The following RGS7 variants were observed in gnomAD, a reference collection of about 807,000 sequenced individuals.
RGS7 encodes regulator of G protein signaling 7.
Under a neutral mutation model 81.1 loss-of-function variants are expected in RGS7, and 27 were observed. The observed-to-expected ratio is 0.33, with a 90% CI of 0.25 to 0.46. The LOEUF is 0.46. Ranked by LOEUF, RGS7 falls within the 20% of genes least tolerant of loss-of-function variation. RGS7 has a pLI of 1.00. For synonymous variants in RGS7, 208 were observed against 207.7 expected, an observed-to-expected ratio of 1.00 and a Z score of -0.01; for missense variants, 396 against 607.4, an observed-to-expected ratio of 0.65 and a Z score of 3.66.
At chr1:240,974,365 ATTTC>A (rs1683744147) in intron 4 of RGS7, among the ~76,000 whole-genome samples, 1 of 152,202 alleles carries the variant, frequency 6.6e-6, no homozygotes, top group African/African-American at 2.4e-5. Flanking sequence ...TTCATTTAAA[ATTTC>A]TTTCTGTTCA....
chr1:240,787,670 A>C (rs1685295016), intron 18 of RGS7, among the ~76,000 whole-genome samples: 1 of 152,208 alleles, frequency 6.6e-6, no homozygotes, highest in Non-Finnish European at 1.5e-5. Flanking sequence ...GTAACAAAGA[A>C]ATACTTCAAA....
In RGS7 at chr1:241,219,790, T is replaced by C. The variant is rs74394820; in HGVS notation, c.79-121028A>G. Among the ~76,000 whole-genome samples the C allele has an allele frequency of 3.4e-3, 512 of 150,760 alleles. 1 individual carries two copies. The highest frequency in any genetic ancestry group is 5.7e-3 in the Non-Finnish European group (389 of 68,022). On this transcript the variant is annotated intron_variant, in intron 2 of 18. Coordinates refer to ENST00000440928, the MANE Select transcript of RGS7 (RefSeq NM_001364886.1). The stretch of plus-strand genomic sequence containing the variant: ...CCTTTATTCACAAGGTACATATCTT[T>C]ACTCACATTATGCCCCTATTTTAAA...
intron 2 of RGS7, among the ~76,000 whole-genome samples, chr1:241,322,911 G>T (rs548398929): frequency 6.6e-6 from 1 of 152,090 alleles, no homozygotes; most frequent in Non-Finnish European, 1.5e-5. Context: ...CATGAATATT[G>T]CTCAGACTTT....
intron 2 of RGS7, among the ~76,000 whole-genome samples, chr1:241,109,763 G>A: frequency 6.6e-6 from 1 of 151,978 alleles, no homozygotes; most frequent in East Asian, 1.9e-4. Flanking sequence ...TTTGAGACCA[G>A]CCTGACGAAC....
At chr1:240,805,002 T>C (rs568429747) in intron 15 of RGS7, among the ~76,000 whole-genome samples, 1 of 152,350 alleles carries the variant, frequency 6.6e-6, no homozygotes, top group Non-Finnish European at 1.5e-5. Context: ...AAAGGTACTT[T>C]TTAGAATTAA....
chr1:240,869,929 A>G, intron 7 of RGS7, 126 bp downstream of exon 7: 1 of 870,010 alleles, frequency 1.1e-6, no homozygotes, highest in Non-Finnish European at 2.0e-6. Flanking sequence ...GACAAGAGTG[A>G]AACTCCATCT....
intron 2 of RGS7, among the ~76,000 whole-genome samples, chr1:241,110,159 ATC>A (rs1204813633): frequency 6.6e-6 from 1 of 152,170 alleles, no homozygotes; most frequent in South Asian, 2.1e-4. Flanking sequence ...CCTCCAAATT[ATC>A]TCTTTTTACA....
In RGS7 at chr1:241,125,089, T is replaced by C. The variant is rs989663458; in HGVS notation, c.79-26327A>G. Among the ~76,000 whole-genome samples, 9 of 152,160 alleles carry C rather than the reference T, an allele frequency of 5.9e-5. No homozygotes were observed. The East Asian group carries it at 9.6e-4, about 16-fold the overall frequency. The stretch of plus-strand genomic sequence containing the variant: ...GTCAGCTGGGGACTCTGTGTCCTCA[T>C]GGTATATGTAGGATTGCTTTGACCC... On this transcript the variant is annotated intron_variant, in intron 2 of 18. Transcript: ENST00000440928.
chr1:240,967,819 A>G (rs1682585839), intron 4 of RGS7, among the ~76,000 whole-genome samples: 1 of 151,952 alleles, frequency 6.6e-6, no homozygotes, highest in Non-Finnish European at 1.5e-5. Flanking sequence ...AGTGCTTTTT[A>G]TTTTCTTCTT....
chr1:240,898,080 A>G (rs1379082295), intron 6 of RGS7, among the ~76,000 whole-genome samples: 2 of 152,168 alleles, frequency 1.3e-5, no homozygotes, highest in East Asian at 3.9e-4. Flanking sequence ...AGAGGTGTTT[A>G]TAGTATTCTC....
intron 2 of RGS7, among the ~76,000 whole-genome samples, chr1:241,242,801 T>C (rs2076328302): frequency 1.3e-5 from 2 of 152,238 alleles, no homozygotes. Context: ...TGTCTATTCA[T>C]GTCCTTAGTT....
chr1:241,144,214 T>C lies in RGS7; in HGVS notation c.79-45452A>G, dbSNP rs979120280. Among the ~76,000 whole-genome samples the C allele has an allele frequency of 6.6e-6, 1 of 152,162 alleles. No individual in the cohort carries two copies. Among genetic ancestry groups the C allele is most frequent in the African/African-American group, 2.4e-5 (1 of 41,436 alleles). On this transcript the variant is annotated intron_variant, in intron 2 of 18. Transcript: ENST00000440928. The surrounding 1 kb of genome is among the most constrained non-coding windows in gnomAD (Gnocchi z 4.7). ...GGAAGCTGAACAACAGTGTCTCCTGTTAAAAAATTCAAATCCTCATCCAAA... is the reference window on the plus strand; with the variant it reads ...GGAAGCTGAACAACAGTGTCTCCTGCTAAAAAATTCAAATCCTCATCCAAA...
chr1:241,068,547 T>C (rs1383213667), intron 3 of RGS7, among the ~76,000 whole-genome samples: 1 of 151,966 alleles, frequency 6.6e-6, no homozygotes, highest in African/African-American at 2.4e-5. Flanking sequence ...ACCATAAAAC[T>C]GGGGAACCAG....
At chr1:241,252,632 G>A (rs1277678801) in intron 2 of RGS7, among the ~76,000 whole-genome samples, 3 of 152,222 alleles carry the variant, frequency 2.0e-5, no homozygotes, top group African/African-American at 7.2e-5. Context: ...TTCAGAGGGA[G>A]AGGAGGCCTT....
intron 3 of RGS7, among the ~76,000 whole-genome samples, chr1:241,035,602 C>T (rs1358012497): frequency 6.6e-6 from 1 of 152,098 alleles, no homozygotes; most frequent in Non-Finnish European, 1.5e-5. Flanking sequence ...TATTTGATCA[C>T]CAATACTGCC....
chr1:241,280,678 T>C (rs2078451666), intron 2 of RGS7, among the ~76,000 whole-genome samples: 1 of 152,142 alleles, frequency 6.6e-6, no homozygotes, highest in African/African-American at 2.4e-5. Flanking sequence ...TGTTTGTTTG[T>C]TTGATAGAGA....
At chr1:240,936,137 A>G (rs554305929) in intron 5 of RGS7, among the ~76,000 whole-genome samples, 1 of 152,334 alleles carries the variant, frequency 6.6e-6, no homozygotes, top group East Asian at 1.9e-4. Flanking sequence ...GCACACACAC[A>G]ATATATCATC....
chr1:240,981,780 G>C (rs1684954983), intron 4 of RGS7, among the ~76,000 whole-genome samples: 1 of 152,124 alleles, frequency 6.6e-6, no homozygotes, highest in South Asian at 2.1e-4. Context: ...GGCCTTTATG[G>C]ACAGAATTTG....
At chr1:241,152,393 T>C (rs368625275) in intron 2 of RGS7, among the ~76,000 whole-genome samples, 1 of 152,206 alleles carries the variant, frequency 6.6e-6, no homozygotes, top group Non-Finnish European at 1.5e-5. Context: ...CGATCATTCA[T>C]TGAAGACAGA....
Sources: gnomAD v4.1 joint callset for allele counts (sites outside exome capture counted in the v4.1 genomes callset) on GRCh38, gnomAD v4.1.1 for gene constraint, Gnocchi (gnomAD v3.1) non-coding constraint, MANE v1.5 for transcripts, NCBI Gene and HGNC (gene_info 2026-07-23, HGNC 2026-07-21) for gene names.